USP15: variants seen among roughly 807,000 people sequenced by gnomAD.
USP15 encodes ubiquitin carboxyl-terminal hydrolase 15.
In USP15, 18 loss-of-function variants were observed where a neutral mutation model predicts 127.1. The observed-to-expected ratio is 0.14, with a 90% CI of 0.10 to 0.21. The LOEUF (loss-of-function observed/expected upper bound fraction) is 0.21, where lower values mean the gene tolerates loss of function less well. USP15 is among the 10% of genes least tolerant of loss of function. USP15 has a pLI of 1.00. For synonymous variants in USP15, 364 were observed against 393.7 expected (o/e 0.92, Z 0.89); for missense variants, 805 against 1,159.9 (o/e 0.69, Z 4.44).
chr12:62,277,945 C>T (rs972177077), intron 1 of USP15, among the ~76,000 whole-genome samples: 6 of 152,138 alleles, frequency 3.9e-5, no homozygotes, highest in African/African-American at 7.2e-5. Flanking sequence ...AACATTTTTA[C>T]GTTATAAACC....
chr12:62,374,666 A>G, intron 8 of USP15: 3 of 839,178 alleles, frequency 3.6e-6, no homozygotes, highest in Non-Finnish European at 4.3e-6. Context: ...ATCAATTTAT[A>G]AAAAACTTAT....
intron 20 of USP15, among the ~76,000 whole-genome samples, chr12:62,400,527 G>T (rs749351545): frequency 6.7e-6 from 1 of 149,996 alleles, no homozygotes; most frequent in Non-Finnish European, 1.5e-5. Context: ...TGTTTGATCT[G>T]TGGTTGGTTG....
At chr12:62,308,289 G>A (rs1054350319) in intron 3 of USP15, among the ~76,000 whole-genome samples, 1 of 152,010 alleles carries the variant, frequency 6.6e-6, no homozygotes, top group African/African-American at 2.4e-5. Flanking sequence ...AATCATTGGG[G>A]GCCAGGGGGT....
intron 8 of USP15, among the ~76,000 whole-genome samples, chr12:62,362,340 G>A (rs956304751): frequency 2.0e-5 from 3 of 152,144 alleles, no homozygotes; most frequent in Middle Eastern, 3.4e-3. Flanking sequence ...TTTATGTTTA[G>A]TTCAAATGAT....
At chr12:62,396,482 T>G (rs2067494564) in intron 20 of USP15, 84 bp downstream of exon 20, 4 of 1,149,136 alleles carry the variant, frequency 3.5e-6, no homozygotes, top group African/African-American at 1.5e-5. Flanking sequence ...TATTACTTCT[T>G]AAGGATAAAA....
chr12:62,303,328 A>G (rs759756320), intron 3 of USP15: 1 of 152,730 alleles, frequency 6.5e-6, no homozygotes, highest in Non-Finnish European at 1.5e-5. Context: ...TTTTTGGAAC[A>G]TAAAAATTTT....
At chr12:62,397,594 C>T (rs1480622248) in intron 20 of USP15, among the ~76,000 whole-genome samples, 1 of 151,360 alleles carries the variant, frequency 6.6e-6, no homozygotes, top group Non-Finnish European at 1.5e-5. Flanking sequence ...CACAGTGGCT[C>T]ACGCCTGTGA....
chr12:62,322,126 G>T (rs1372778478), intron 5 of USP15, among the ~76,000 whole-genome samples: 1 of 152,044 alleles, frequency 6.6e-6, no homozygotes. Flanking sequence ...TCCCAATTTG[G>T]CTTTTTTGTT....
intron 1 of USP15, among the ~76,000 whole-genome samples, chr12:62,266,000 G>GA (rs2063183747): frequency 6.6e-6 from 1 of 152,138 alleles, no homozygotes; most frequent in Non-Finnish European, 1.5e-5. Context: ...GTTTAGATAT[G>GA]ATAGAACATG....
chr12:62,394,037 G>A (rs2067405206), intron 19 of USP15, among the ~76,000 whole-genome samples: 1 of 152,028 alleles, frequency 6.6e-6, no homozygotes, highest in Non-Finnish European at 1.5e-5. Context: ...TATATCTATG[G>A]CCATACCACC....
chr12:62,291,352 T>G (rs2063962855), intron 1 of USP15, among the ~76,000 whole-genome samples: 1 of 152,194 alleles, frequency 6.6e-6, no homozygotes, highest in Non-Finnish European at 1.5e-5. Context: ...TGTTGAAGCT[T>G]TCATCTGTAT....
chr12:62,350,803 A>G (rs2065946514), intron 7 of USP15, among the ~76,000 whole-genome samples: 1 of 151,878 alleles, frequency 6.6e-6, no homozygotes, highest in Non-Finnish European at 1.5e-5. Context: ...TCTTTTTATT[A>G]TTTTCATAGA....
intron 4 of USP15, among the ~76,000 whole-genome samples, chr12:62,316,239 C>G (rs565766149): frequency 7.0e-4 from 105 of 148,984 alleles, no homozygotes; most frequent in Non-Finnish European, 1.4e-3. Flanking sequence ...GGGCCGAAAC[C>G]GTACCTCTGT....
intron 6 of USP15, among the ~76,000 whole-genome samples, chr12:62,330,661 C>G (rs887362732): frequency 6.6e-6 from 1 of 151,312 alleles, no homozygotes; most frequent in Non-Finnish European, 1.5e-5. Context: ...TGGCTCACAC[C>G]TGTAATCCTA....
intron 1 of USP15, among the ~76,000 whole-genome samples, chr12:62,273,984 T>C (rs904833756): frequency 1.3e-5 from 2 of 152,098 alleles, no homozygotes; most frequent in Admixed American, 6.6e-5. Flanking sequence ...AGTGAACTTA[T>C]TGTTTCATAA....
intron 8 of USP15, among the ~76,000 whole-genome samples, chr12:62,373,048 C>T (rs2066723689): frequency 6.6e-6 from 1 of 152,036 alleles, no homozygotes; most frequent in Non-Finnish European, 1.5e-5. Context: ...TTAAAAACAA[C>T]TTGTCCTAGT....
At chr12:62,284,083 G>T (rs2063727168) in intron 1 of USP15, among the ~76,000 whole-genome samples, 1 of 152,100 alleles carries the variant, frequency 6.6e-6, no homozygotes, top group African/African-American at 2.4e-5. Context: ...ATTTTTATTG[G>T]AAAAACATAT....
chr12:62,264,065 G>A (rs946097955), intron 1 of USP15, among the ~76,000 whole-genome samples: 4 of 152,126 alleles, frequency 2.6e-5, no homozygotes, highest in South Asian at 4.1e-4. Context: ...TCGGCTCACC[G>A]CAACCACCTC....
intron 5 of USP15, among the ~76,000 whole-genome samples, chr12:62,324,126 T>G (rs1358598923): frequency 6.6e-6 from 1 of 152,034 alleles, no homozygotes; most frequent in Non-Finnish European, 1.5e-5. Context: ...TGGGTTTAAT[T>G]TTAATTTTGA....
Sources: gnomAD v4.1 joint callset for allele counts (sites outside exome capture counted in the v4.1 genomes callset) on GRCh38, gnomAD v4.1.1 for gene constraint, MANE v1.5 for transcripts, NCBI Gene and HGNC (gene_info 2026-07-23, HGNC 2026-07-21) for gene names.